The following RBPJ variants were observed in gnomAD, a reference collection of about 807,000 sequenced individuals.
RBPJ encodes recombining binding protein suppressor of hairless.
A neutral mutation model predicts 67.8 loss-of-function variants in RBPJ; 9 were observed. That is an observed-to-expected ratio of 0.13 (90% CI 0.08 to 0.23). RBPJ has a LOEUF of 0.23. Ranked by LOEUF, RBPJ falls within the 10% of genes least tolerant of loss-of-function variation. The pLI, the probability that RBPJ is intolerant of heterozygous loss-of-function variation, is 1.00. For missense variants in RBPJ, 305 were observed against 595.6 expected (o/e 0.51, Z 5.08); for synonymous variants, 198 against 203.3 (o/e 0.97, Z 0.22).
Position 26,392,228 on chromosome 4 carries a change from A to G in RBPJ, c.59+5837A>G, listed in dbSNP as rs982127799. ...TTTCATACACTGGCAGTGGGTATAT[A>G]AAGTGGTACAATAATTTTAGAAAAT... On this transcript the variant is annotated intron_variant, in intron 2 of 10. Transcript: ENST00000355476. Among the ~76,000 whole-genome samples, 16 of 152,266 alleles carry G rather than the reference A, an allele frequency of 1.1e-4. 1 individual carries two copies. The highest frequency in any genetic ancestry group is 3.9e-4 in the African/African-American group (16 of 41,478).
chr4:26,360,474 T>C (rs986221326), intron 1 of RBPJ, among the ~76,000 whole-genome samples: 3 of 152,110 alleles, frequency 2.0e-5, no homozygotes, highest in African/African-American at 7.2e-5. Flanking sequence ...GGTGGTAAAG[T>C]GATGATAGGT....
intron 1 of RBPJ, among the ~76,000 whole-genome samples, chr4:26,350,586 C>CT (rs1438825769): frequency 1.3e-5 from 2 of 152,184 alleles, no homozygotes; most frequent in African/African-American, 4.8e-5. Flanking sequence ...AACCTACAAC[C>CT]TATAGACATA....
At chr4:26,331,031 G>A (rs1475133566) in intron 1 of RBPJ, among the ~76,000 whole-genome samples, 1 of 152,180 alleles carries the variant, frequency 6.6e-6, no homozygotes, top group Non-Finnish European at 1.5e-5. Flanking sequence ...ACACAGACAG[G>A]TTAGATAATG....
At chr4:26,135,761 G>A in the RBPJ span, among the ~76,000 whole-genome samples, 141 of 152,262 alleles carry the variant, frequency 9.3e-4, no homozygotes, top group African/African-American at 3.2e-3. Context: ...TTCACAGCTC[G>A]CCTGGGAAGT....
At position 26,264,580 on chromosome 4, in the gene RBPJ, A is replaced by C. The variant is rs1486294707; in HGVS notation, c.-166-97866A>C. Among the ~76,000 whole-genome samples the C allele has an allele frequency of 6.6e-6, 1 of 151,884 alleles. No individual in the cohort carries two copies. The highest frequency in any genetic ancestry group is 2.4e-5 in the African/African-American group (1 of 41,310). On this transcript the variant is annotated intron_variant, in intron 1 of 4. Coordinates refer to the RBPJ transcript ENST00000512351. This position sits in a 1 kb window ranked among gnomAD's most constrained non-coding sequence, Gnocchi z 4.1. Reference sequence around the variant, plus strand: ...CCCTCCTGTTCATCTTTCCAGCCTTACTTCTCACCATATAGGCACATACAC... The same window carrying C: ...CCCTCCTGTTCATCTTTCCAGCCTTCCTTCTCACCATATAGGCACATACAC...
chr4:26,421,626 G>A (rs1426533803), intron 5 of RBPJ, among the ~76,000 whole-genome samples: 1 of 152,022 alleles, frequency 6.6e-6, no homozygotes, highest in East Asian at 1.9e-4. Context: ...TTATATAAAA[G>A]GGAGAAATTA....
chr4:26,278,985 T>A (rs975122149), intron 1 of RBPJ, among the ~76,000 whole-genome samples: 2 of 152,190 alleles, frequency 1.3e-5, no homozygotes, highest in Non-Finnish European at 2.9e-5. Flanking sequence ...TCCTGTATGA[T>A]CTTAGCTTTC....
intron 2 of RBPJ, among the ~76,000 whole-genome samples, chr4:26,387,742 G>T (rs1378888190): frequency 6.6e-6 from 1 of 152,098 alleles, no homozygotes; most frequent in African/African-American, 2.4e-5. Context: ...GGGGATTGGG[G>T]AAAAATATCC....
At chr4:26,171,968 G>C (rs1193903536) in intron 1 of RBPJ, among the ~76,000 whole-genome samples, 1 of 152,192 alleles carries the variant, frequency 6.6e-6, no homozygotes, top group Non-Finnish European at 1.5e-5. Context: ...CCGGTAAGTG[G>C]GAAATACTGG....
At chr4:26,109,269 C>T in the RBPJ span, among the ~76,000 whole-genome samples, 3 of 150,806 alleles carry the variant, frequency 2.0e-5, no homozygotes. Flanking sequence ...ACCATGTCAG[C>T]TAATTTCTGT....
chr4:26,211,638 G>A (rs573954333), intron 1 of RBPJ, among the ~76,000 whole-genome samples: 1 of 152,220 alleles, frequency 6.6e-6, no homozygotes, highest in Non-Finnish European at 1.5e-5. Context: ...TGGATACAGC[G>A]GTGGGAACAT....
At chr4:26,393,378 T>A (rs1186789429) in intron 2 of RBPJ, among the ~76,000 whole-genome samples, 3 of 152,184 alleles carry the variant, frequency 2.0e-5, no homozygotes, top group Non-Finnish European at 4.4e-5. Flanking sequence ...CTGGCCTTTT[T>A]TTGTTTTGTT....
chr4:26,255,705 G>A (rs1368855296), intron 1 of RBPJ, among the ~76,000 whole-genome samples: 10 of 151,526 alleles, frequency 6.6e-5, no homozygotes, highest in Non-Finnish European at 1.2e-4. Context: ...GGGAGGCTGA[G>A]GCAGGACAAT....
the RBPJ span, among the ~76,000 whole-genome samples, chr4:26,121,958 AAC>A: frequency 2.0e-5 from 3 of 151,106 alleles, no homozygotes; most frequent in Non-Finnish European, 4.4e-5. Flanking sequence ...TCATGGGAGA[AAC>A]ACATTCCATT....
At chr4:26,255,006 T>G (rs1285729032) in intron 1 of RBPJ, among the ~76,000 whole-genome samples, 1 of 140,972 alleles carries the variant, frequency 7.1e-6, no homozygotes, top group Middle Eastern at 3.2e-3. Flanking sequence ...CTGGCCAACA[T>G]GTTTAAAATG....
intron 1 of RBPJ, among the ~76,000 whole-genome samples, chr4:26,371,142 ATTAAC>A (rs1310736087): frequency 8.5e-5 from 13 of 152,198 alleles, no homozygotes; most frequent in African/African-American, 1.7e-4. Flanking sequence ...CATCGTGGAA[ATTAAC>A]TTAAACATTA....
chr4:26,365,393 G>A (rs1728522663), intron 1 of RBPJ, among the ~76,000 whole-genome samples: 1 of 152,268 alleles, frequency 6.6e-6, no homozygotes, highest in Admixed American at 6.5e-5. Flanking sequence ...CTGCTGGGGT[G>A]ATGTGTGTGT....
intron 1 of RBPJ, among the ~76,000 whole-genome samples, chr4:26,281,282 T>A (rs912847466): frequency 6.6e-6 from 1 of 152,116 alleles, no homozygotes; most frequent in Non-Finnish European, 1.5e-5. Flanking sequence ...TTTTGTTTGT[T>A]TGTTTGTTTT....
chr4:26,216,483 G>A (rs370975451), intron 1 of RBPJ, among the ~76,000 whole-genome samples: 5 of 152,060 alleles, frequency 3.3e-5, no homozygotes, highest in Admixed American at 6.6e-5. Flanking sequence ...TGGAACATCC[G>A]AGGATTTCCA....
Sources: gnomAD v4.1 joint callset for allele counts (sites outside exome capture counted in the v4.1 genomes callset) on GRCh38, gnomAD v4.1.1 for gene constraint, Gnocchi (gnomAD v3.1) non-coding constraint, MANE v1.5 for transcripts, NCBI Gene and HGNC (gene_info 2026-07-23, HGNC 2026-07-21) for gene names.